Variants in PRR16 observed in about 807,000 individuals in gnomAD.
PRR16 encodes the protein protein Largen.
Under a neutral mutation model 18.2 loss-of-function variants are expected in PRR16, and 6 were observed. The ratio of observed to expected loss-of-function variants is 0.33; its 90% CI spans 0.18 to 0.65. PRR16 has a LOEUF of 0.65. PRR16 is among the 30% of genes least tolerant of loss of function. PRR16 has a pLI of 0.74. For missense variants in PRR16, 412 were observed against 376.6 expected, an observed-to-expected ratio of 1.09 and a Z score of -0.78; for synonymous variants, 151 against 147.8, an observed-to-expected ratio of 1.02 and a Z score of -0.16.
chr5:120,594,379 A>T (rs1188113096), intron 1 of PRR16, among the ~76,000 whole-genome samples: 1 of 152,074 alleles, frequency 6.6e-6, no homozygotes, highest in Non-Finnish European at 1.5e-5. Context: ...AATAATAGTA[A>T]TAAAATACCT....
intron 1 of PRR16, among the ~76,000 whole-genome samples, chr5:120,669,304 C>T (rs1756508793): frequency 6.6e-6 from 1 of 152,078 alleles, no homozygotes; most frequent in Admixed American, 6.6e-5. Context: ...GAGGCCCTCA[C>T]ACCCTCCCCT....
the PRR16 span, among the ~76,000 whole-genome samples, chr5:120,744,608 A>T: frequency 6.6e-6 from 1 of 152,178 alleles, no homozygotes; most frequent in Non-Finnish European, 1.5e-5. Flanking sequence ...TTCCTGTTAA[A>T]ATTTTCAATG....
intron 1 of PRR16, among the ~76,000 whole-genome samples, chr5:120,670,503 C>A (rs1255151328): frequency 6.6e-6 from 1 of 152,012 alleles, no homozygotes; most frequent in Non-Finnish European, 1.5e-5. Flanking sequence ...ACAGTGAGAG[C>A]AAATGGTTAG....
At chr5:120,507,350 G>A (rs1458332038) in intron 1 of PRR16, among the ~76,000 whole-genome samples, 1 of 152,056 alleles carries the variant, frequency 6.6e-6, no homozygotes, top group Admixed American at 6.6e-5. Flanking sequence ...TGTACATGAA[G>A]TATTTTACTT....
chr5:120,620,144 G>T (rs747416898), intron 1 of PRR16, among the ~76,000 whole-genome samples: 1 of 152,134 alleles, frequency 6.6e-6, no homozygotes, highest in Non-Finnish European at 1.5e-5. Flanking sequence ...TCTGTGAAAT[G>T]GAAAGAAGAC....
chr5:120,683,902 C>T (rs745321511), intron 1 of PRR16, among the ~76,000 whole-genome samples: 2 of 141,008 alleles, frequency 1.4e-5, no homozygotes, highest in Non-Finnish European at 3.1e-5. Context: ...AGGGAGTTAA[C>T]AAAAGCACAC....
intron 1 of PRR16, among the ~76,000 whole-genome samples, chr5:120,467,925 T>C (rs1042479710): frequency 3.9e-5 from 6 of 152,142 alleles, no homozygotes; most frequent in Non-Finnish European, 7.4e-5. Flanking sequence ...CCAAGTACTA[T>C]AACACCTTTT....
At chr5:120,467,934 T>A (rs1166407694) in intron 1 of PRR16, among the ~76,000 whole-genome samples, 1 of 152,114 alleles carries the variant, frequency 6.6e-6, no homozygotes, top group Non-Finnish European at 1.5e-5. Flanking sequence ...ATAACACCTT[T>A]TAAATTGCTA....
At chr5:120,621,420 T>C (rs928939451) in intron 1 of PRR16, among the ~76,000 whole-genome samples, 1 of 152,116 alleles carries the variant, frequency 6.6e-6, no homozygotes, top group Non-Finnish European at 1.5e-5. Flanking sequence ...TGATCTCTTC[T>C]CAGCCAGAGC....
At chr5:120,563,038 T>C (rs1580728047) in intron 1 of PRR16, among the ~76,000 whole-genome samples, 1 of 152,200 alleles carries the variant, frequency 6.6e-6, no homozygotes, top group Non-Finnish European at 1.5e-5. Context: ...AAGAATTCCC[T>C]TTATCATTTC....
intron 1 of PRR16, among the ~76,000 whole-genome samples, chr5:120,556,963 TC>T (rs1474134334): frequency 2.7e-5 from 4 of 150,276 alleles, no homozygotes; most frequent in Non-Finnish European, 4.4e-5. Context: ...AAAAAAAAAG[TC>T]ATCTAGGGTA....
intron 1 of PRR16, among the ~76,000 whole-genome samples, chr5:120,666,367 A>G (rs376788218): frequency 0.057 from 8,656 of 151,966 alleles, 201 homozygotes; most frequent in South Asian, 0.081. Context: ...GGCTGAGACA[A>G]TGGGGTTTTC....
chr5:120,579,881 A>T (rs2112752217), intron 1 of PRR16, among the ~76,000 whole-genome samples: 1 of 152,162 alleles, frequency 6.6e-6, no homozygotes, highest in East Asian at 1.9e-4. Context: ...ATGCTTTTCC[A>T]TTTGTTTGTG....
intron 1 of PRR16, among the ~76,000 whole-genome samples, chr5:120,523,207 T>A (rs1212379971): frequency 6.6e-6 from 1 of 152,220 alleles, no homozygotes; most frequent in Non-Finnish European, 1.5e-5. Context: ...CATCTCATCA[T>A]TACATTTATT....
intron 1 of PRR16, among the ~76,000 whole-genome samples, chr5:120,611,695 A>G (rs1280178129): frequency 6.6e-6 from 1 of 152,222 alleles, no homozygotes; most frequent in Non-Finnish European, 1.5e-5. Context: ...GAATGTCTGG[A>G]TGCCCAGGCA....
chr5:120,654,518 C>T (rs1021717555), intron 1 of PRR16, among the ~76,000 whole-genome samples: 1 of 150,458 alleles, frequency 6.6e-6, no homozygotes, highest in Non-Finnish European at 1.5e-5. Flanking sequence ...TCACCTCCAA[C>T]AAAAATTAAA....
At chr5:120,464,289 C>T (rs1749002503), upstream of PRR16, 1 of 394,758 alleles carries the variant, frequency 2.5e-6, no homozygotes, top group East Asian at 4.4e-5. Flanking sequence ...AGCCGAGCGC[C>T]GCGTCTCGGG....
At chr5:120,502,081 A>G (rs931139196) in intron 1 of PRR16, among the ~76,000 whole-genome samples, 3 of 151,324 alleles carry the variant, frequency 2.0e-5, no homozygotes, top group African/African-American at 7.3e-5. Context: ...TTGGAACAAC[A>G]GTTCTGGAGG....
At chr5:120,471,967 A>G (rs766466319) in intron 1 of PRR16, among the ~76,000 whole-genome samples, 4 of 152,156 alleles carry the variant, frequency 2.6e-5, no homozygotes, top group Admixed American at 2.0e-4. Flanking sequence ...TGAGGATTCC[A>G]AAGAATTTAA....
Sources: gnomAD v4.1 joint callset for allele counts (sites outside exome capture counted in the v4.1 genomes callset) on GRCh38, gnomAD v4.1.1 for gene constraint, MANE v1.5 for transcripts, NCBI Gene and HGNC (gene_info 2026-07-23, HGNC 2026-07-21) for gene names.